IL1RN: variants seen among roughly 807,000 people sequenced by gnomAD.
The protein encoded by IL1RN is interleukin-1 receptor antagonist protein.
IL1RN carries 10 observed loss-of-function variants against 13.7 expected under a neutral mutation model. The observed-to-expected ratio is 0.73, with a 90% CI of 0.45 to 1.24. The LOEUF (loss-of-function observed/expected upper bound fraction) is 1.24. Ranked by LOEUF, IL1RN falls within the 50% of genes most tolerant of loss-of-function variation. The probability of loss-of-function intolerance (pLI) is 0.00; values close to 1 mark genes in which losing one functional copy is unlikely to be tolerated. For synonymous variants in IL1RN, 102 were observed against 82.7 expected, an observed-to-expected ratio of 1.23 and a Z score of -1.27; for missense variants, 213 against 222.1, an observed-to-expected ratio of 0.96 and a Z score of 0.26.
rs745852014 is a variant in IL1RN, at chr2:113,127,700, C to T, written c.76C>T (p.Arg26Ter). ...CCTGTTCCATTCAGAGACGATCTGCCGACCCTCTGGGAGAAAATCCAGCAA... is the reference window on the plus strand; with the variant it reads ...CCTGTTCCATTCAGAGACGATCTGCTGACCCTCTGGGAGAAAATCCAGCAA... ...LFLFHSETIC[R>*]PSGRKSSKMQ... The change falls in exon 1 of 4, where the codon CGA becomes TGA. Residue 26 changes from arginine (R) to a stop codon, truncating the protein, a stop_gained. Coordinates refer to ENST00000409930, the MANE Select transcript of IL1RN (RefSeq NM_173842.3). LOFTEE classifies it high-confidence loss of function. The T allele has an allele frequency of 6.2e-6, 10 of 1,614,040 alleles. No individual in the cohort carries two copies. Among genetic ancestry groups the T allele is most frequent in the East Asian group, 2.2e-5 (1 of 44,864 alleles).
At chr2:113,099,723 CTTTTCTTTTTTTTT>C in the IL1RN span, among the ~76,000 whole-genome samples, 2 of 72,222 alleles carry the variant, frequency 2.8e-5, no homozygotes, top group East Asian at 2.6e-4. Context: ...CCTCTTCTTT[CTTTTCTTTTTTTTT>C]TTTTTTTTTT....
chr2:113,109,649 T>C (rs138134935), upstream of IL1RN, among the ~76,000 whole-genome samples: 1 of 151,946 alleles, frequency 6.6e-6, no homozygotes, highest in African/African-American at 2.4e-5. Context: ...CACCCTTTTA[T>C]ATCAGAGCAG....
upstream of IL1RN, chr2:113,117,432 T>G (rs1047221181): frequency 1.9e-5 from 3 of 155,860 alleles, no homozygotes; most frequent in South Asian, 5.8e-4. Context: ...CACCCACTCC[T>G]AGGTCCCTCA....
intron 1 of IL1RN, among the ~76,000 whole-genome samples, chr2:113,129,074 G>A (rs1161117967): frequency 1.3e-5 from 2 of 152,192 alleles, no homozygotes; most frequent in African/African-American, 4.8e-5. Flanking sequence ...CTACCTAGGT[G>A]CTATGGTAGC....
At chr2:113,114,812 G>A (rs1489396950), upstream of IL1RN, among the ~76,000 whole-genome samples, 2 of 152,102 alleles carry the variant, frequency 1.3e-5, no homozygotes, top group Non-Finnish European at 2.9e-5. Context: ...ACCTGCCCTG[G>A]GAGACAGATA....
chr2:113,118,274 T>C (rs1163778000), intron 1 of IL1RN, among the ~76,000 whole-genome samples: 1 of 152,190 alleles, frequency 6.6e-6, no homozygotes, highest in Non-Finnish European at 1.5e-5. Flanking sequence ...CAGAGAGGTG[T>C]AACTGCTGTG....
chr2:113,119,628 C>G (rs1200855948), intron 1 of IL1RN, among the ~76,000 whole-genome samples: 3 of 152,184 alleles, frequency 2.0e-5, no homozygotes, highest in Non-Finnish European at 4.4e-5. Flanking sequence ...GATGCTGGAA[C>G]CACTCTTAGA....
upstream of IL1RN, among the ~76,000 whole-genome samples, chr2:113,122,923 C>T (rs559639319): frequency 1.3e-5 from 2 of 152,216 alleles, no homozygotes; most frequent in Admixed American, 6.5e-5. Flanking sequence ...GTCGGGAGTT[C>T]GAGACCAGCC....
upstream of IL1RN, among the ~76,000 whole-genome samples, chr2:113,105,330 C>A (rs1224226642): frequency 1.3e-5 from 2 of 152,090 alleles, no homozygotes; most frequent in African/African-American, 2.4e-5. Context: ...GTACTAGGGC[C>A]ATGGTGATTA....
At chr2:113,117,974 G>A (rs767794584) in exon 1 of IL1RN, 2 of 1,175,274 alleles carry the variant, frequency 1.7e-6, no homozygotes, top group Admixed American at 1.7e-5. Context: ...TTGAGTTAGA[G>A]TCTGGAAGAC....
chr2:113,126,291 T>C (rs913320174), upstream of IL1RN, among the ~76,000 whole-genome samples: 103 of 152,328 alleles, frequency 6.8e-4, no homozygotes, highest in African/African-American at 2.5e-3. Context: ...CATTTGTTAA[T>C]AAAGCCCGGG....
chr2:113,102,520 G>C (rs2104415320), upstream of IL1RN, among the ~76,000 whole-genome samples: 1 of 152,296 alleles, frequency 6.6e-6, no homozygotes, highest in Non-Finnish European at 1.5e-5. Context: ...GGAAGGAGAG[G>C]TCAGGCGTGT....
upstream of IL1RN, among the ~76,000 whole-genome samples, chr2:113,116,891 C>T (rs1476997791): frequency 6.6e-6 from 1 of 152,202 alleles, no homozygotes; most frequent in East Asian, 1.9e-4. Context: ...CAGATAGCAT[C>T]AGGTCCATTT....
In IL1RN at chr2:113,132,234, G is replaced by A. The variant is rs4252020; in HGVS notation, c.319-422G>A. Reference sequence around the variant, plus strand: ...GAAGCCAAGGTGGGCAGATCACGAGGTCAGGAGTTTGAGACCAGCCTGGCC... The same window carrying A: ...GAAGCCAAGGTGGGCAGATCACGAGATCAGGAGTTTGAGACCAGCCTGGCC... On this transcript the variant is annotated intron_variant, in intron 3 of 3. Coordinates refer to ENST00000409930, the MANE Select transcript of IL1RN (RefSeq NM_173842.3). 5.1e-3 allele frequency among the ~76,000 whole-genome samples: 783 copies of A among 152,312 alleles called. 5 individuals are homozygous for A. The highest frequency in any genetic ancestry group is 0.017 in the African/African-American group (721 of 41,558).
rs368152483 is a variant in IL1RN, at chr2:113,133,954, T to C, written c.*1083T>C. The C allele has an allele frequency of 6.5e-6, 1 of 152,798 alleles. No homozygotes were observed. Among genetic ancestry groups the C allele is most frequent in the South Asian group, 2.1e-4 (1 of 4,824 alleles). 9.5% of individuals were successfully genotyped at this position (152,798 alleles called of 1,614,324 possible). A position where few individuals can be genotyped will look rare whatever the true frequency, so the allele number is the denominator to read the frequency against. On this transcript the variant is annotated 3_prime_UTR_variant, in exon 4 of 4. Transcript: ENST00000409930. ...GCGAATGAATGCTGTATATGTTGGGTGCAAAGTTCCCTACTTCCTGTGACT... is the reference window on the plus strand; with the variant it reads ...GCGAATGAATGCTGTATATGTTGGGCGCAAAGTTCCCTACTTCCTGTGACT...
chr2:113,128,110 G>C (rs139946719), intron 1 of IL1RN, among the ~76,000 whole-genome samples: 2 of 152,234 alleles, frequency 1.3e-5, no homozygotes, highest in Non-Finnish European at 2.9e-5. Context: ...GGCAAGGCCT[G>C]TCTGTGCTGA....
chr2:113,117,657 G>A (rs1035880391), upstream of IL1RN: 8 of 428,926 alleles, frequency 1.9e-5, no homozygotes, highest in African/African-American at 5.9e-5. Context: ...GGCGGCAGTC[G>A]GGGTTGGGGT....
At chr2:113,102,070 G>T in the IL1RN span, among the ~76,000 whole-genome samples, 1 of 152,152 alleles carries the variant, frequency 6.6e-6, no homozygotes, top group Non-Finnish European at 1.5e-5. Flanking sequence ...CCCCGCCCGA[G>T]ACTTTTTTTC....
In IL1RN at chr2:113,132,755, G is replaced by T; in HGVS notation, c.418G>T (p.Ala140Ser). 1 of 1,614,238 alleles carries T rather than the reference G, an allele frequency of 6.2e-7. No individual in the cohort carries two copies. The highest frequency in any genetic ancestry group is 8.5e-7 in the Non-Finnish European group (1 of 1,180,036). The change falls in exon 4 of 4, where the codon GCC becomes TCC. Residue 140 changes from alanine (A) to serine (S), a missense_variant. Transcript: ENST00000409930. ...SGPTTSFESA[A>S]CPGWFLCTAM... is the part of the protein sequence containing the mutation. ...CCCCACCACCAGTTTTGAGTCTGCC[G>T]CCTGCCCCGGTTGGTTCCTCTGCAC...
Sources: gnomAD v4.1 joint callset for allele counts (sites outside exome capture counted in the v4.1 genomes callset) on GRCh38, gnomAD v4.1.1 for gene constraint, MANE v1.5 for transcripts, NCBI Gene and HGNC (gene_info 2026-07-23, HGNC 2026-07-21) for gene names.